Variants in ADGRL3 observed in about 807,000 individuals in gnomAD.
ADGRL3 encodes the protein calcium-independent alpha-latrotoxin receptor 3.
ADGRL3 carries 62 observed loss-of-function variants against 153.5 expected under a neutral mutation model. The ratio of observed to expected loss-of-function variants is 0.40; its 90% CI spans 0.33 to 0.50. The LOEUF (loss-of-function observed/expected upper bound fraction) is 0.50. ADGRL3 is among the 20% of genes least tolerant of loss of function. The pLI is 0.47. For missense variants in ADGRL3, 1,641 were observed against 1,859.4 expected (o/e 0.88, Z 2.16); for synonymous variants, 710 against 672.5 (o/e 1.06, Z -0.86).
intron 17 of ADGRL3, among the ~76,000 whole-genome samples, chr4:61,963,446 A>G (rs2098995637): frequency 6.6e-6 from 1 of 151,684 alleles, no homozygotes; most frequent in South Asian, 2.1e-4. Context: ...CCTAGTGTCC[A>G]TTGTTTTCTT....
At chr4:61,908,299 A>G (rs2098705465) in intron 11 of ADGRL3, among the ~76,000 whole-genome samples, 1 of 152,110 alleles carries the variant, frequency 6.6e-6, no homozygotes, top group Non-Finnish European at 1.5e-5. Context: ...CAAAAGAAAA[A>G]AAAAGAAAAG....
intron 12 of ADGRL3, among the ~76,000 whole-genome samples, chr4:61,911,505 T>C (rs1390959155): frequency 6.6e-6 from 1 of 152,144 alleles, no homozygotes; most frequent in Non-Finnish European, 1.5e-5. Context: ...CTTGCTGGCT[T>C]GCTCTCATTT....
chr4:61,604,567 C>T (rs1373953244), intron 5 of ADGRL3, among the ~76,000 whole-genome samples: 3 of 152,022 alleles, frequency 2.0e-5, no homozygotes, highest in Non-Finnish European at 4.4e-5. Context: ...TCCTTTCTTC[C>T]CCTTTCTTTA....
intron 1 of ADGRL3, among the ~76,000 whole-genome samples, chr4:61,232,042 C>T (rs1016124040): frequency 3.3e-5 from 5 of 151,858 alleles, no homozygotes; most frequent in Admixed American, 6.6e-5. Flanking sequence ...TACTTAACCT[C>T]CTCAAGCCCC....
At chr4:61,680,779 A>G (rs1371208407) in intron 6 of ADGRL3, among the ~76,000 whole-genome samples, 1 of 151,942 alleles carries the variant, frequency 6.6e-6, no homozygotes, top group Non-Finnish European at 1.5e-5. Context: ...TACTCAGACC[A>G]CCTTCTTTGA....
chr4:61,534,055 T>A (rs1201907486), intron 4 of ADGRL3, among the ~76,000 whole-genome samples: 2 of 152,168 alleles, frequency 1.3e-5, no homozygotes, highest in Non-Finnish European at 2.9e-5. Context: ...TTTCTAGGTT[T>A]TCTCCTAGGG....
chr4:61,792,724 G>A (rs1335370303), intron 8 of ADGRL3, among the ~76,000 whole-genome samples: 2 of 151,898 alleles, frequency 1.3e-5, no homozygotes, highest in South Asian at 2.1e-4. Flanking sequence ...TCCTGACCTC[G>A]GGATCTGCCC....
At position 61,732,830 on chromosome 4, in the gene ADGRL3, G is replaced by A. The variant is rs191915391; in HGVS notation, c.675G>A (p.Ala225=). 5,742 of 1,611,820 alleles carry A rather than the reference G, an allele frequency of 3.6e-3. 31 individuals carry two copies. Among genetic ancestry groups the A allele is most frequent in the Middle Eastern group, 0.019 (115 of 6,060 alleles). The change falls in exon 8 of 27, where the codon GCG becomes GCA. Residue 225 remains alanine (A), a synonymous_variant. Coordinates refer to ENST00000683033, the MANE Select transcript of ADGRL3 (RefSeq NM_001387552.1). Reference sequence around the variant, plus strand: ...TTGAGTCCGACCACCAATCTGGGGCGTGGTGCAAAGACCCTCTGCAGGCAT... The same window carrying A: ...TTGAGTCCGACCACCAATCTGGGGCATGGTGCAAAGACCCTCTGCAGGCAT... ...HLFESDHQSG[A]WCKDPLQASD...
rs572508953 is a variant in ADGRL3, at chr4:61,642,684, A to T, written c.474-34142A>T. ...GTACCAGTACCATGCTGTTTTGGTTACTGTAGCCTTGTAGTATAGTTTGAA... is the reference window on the plus strand; with the variant it reads ...GTACCAGTACCATGCTGTTTTGGTTTCTGTAGCCTTGTAGTATAGTTTGAA... On this transcript the variant is annotated intron_variant, in intron 5 of 26. Coordinates refer to ENST00000683033, the MANE Select transcript of ADGRL3 (RefSeq NM_001387552.1). 7.6e-3 allele frequency among the ~76,000 whole-genome samples: 1,152 copies of T among 152,264 alleles called. 17 individuals are homozygous for T. The highest frequency in any genetic ancestry group is 0.026 in the African/African-American group (1,083 of 41,564).
intron 8 of ADGRL3, among the ~76,000 whole-genome samples, chr4:61,744,645 G>A (rs1316417182): frequency 6.6e-6 from 1 of 152,206 alleles, no homozygotes; most frequent in Non-Finnish European, 1.5e-5. Context: ...CAGACCTGCA[G>A]CTGAGGGTCC....
intron 1 of ADGRL3, among the ~76,000 whole-genome samples, chr4:61,329,394 T>C (rs552051406): frequency 2.0e-5 from 3 of 152,292 alleles, no homozygotes; most frequent in Non-Finnish European, 2.9e-5. Context: ...CCATCCTTTG[T>C]CTGAAATCAA....
intron 1 of ADGRL3, among the ~76,000 whole-genome samples, chr4:61,346,888 A>G (rs1434327121): frequency 1.3e-5 from 2 of 152,122 alleles, no homozygotes; most frequent in African/African-American, 4.8e-5. Flanking sequence ...AATTTTAAAA[A>G]TTAGTACCAT....
chr4:61,344,868 C>T (rs1239716037), intron 1 of ADGRL3, among the ~76,000 whole-genome samples: 2 of 151,852 alleles, frequency 1.3e-5, no homozygotes, highest in South Asian at 4.2e-4. Flanking sequence ...CTCACTGCAA[C>T]CTCCGCCTCC....
intron 5 of ADGRL3, among the ~76,000 whole-genome samples, chr4:61,606,190 G>A (rs894030193): frequency 6.6e-6 from 1 of 152,160 alleles, no homozygotes; most frequent in Non-Finnish European, 1.5e-5. Flanking sequence ...GGGGAAGTAT[G>A]GGATTGCACA....
chr4:61,588,376 AC>A (rs2098955453), intron 5 of ADGRL3, among the ~76,000 whole-genome samples: 1 of 151,928 alleles, frequency 6.6e-6, no homozygotes, highest in Non-Finnish European at 1.5e-5. Flanking sequence ...CTTATTTTTC[AC>A]CTTTTGTCTT....
At chr4:61,257,784 G>GA (rs2092117487) in intron 1 of ADGRL3, among the ~76,000 whole-genome samples, 1 of 151,952 alleles carries the variant, frequency 6.6e-6, no homozygotes, top group Non-Finnish European at 1.5e-5. Flanking sequence ...ACTTATTAAA[G>GA]ATTATTTCAC....
intron 21 of ADGRL3, among the ~76,000 whole-genome samples, chr4:62,001,736 C>T (rs770231056): frequency 6.6e-6 from 1 of 152,026 alleles, no homozygotes; most frequent in Non-Finnish European, 1.5e-5. Context: ...AGAGTGTTCG[C>T]TTTAAAGATA....
At chr4:61,949,114 T>C (rs2098937140) in intron 17 of ADGRL3, among the ~76,000 whole-genome samples, 6 of 151,894 alleles carry the variant, frequency 4.0e-5, no homozygotes, top group Admixed American at 3.9e-4. Context: ...TAGAAATGTA[T>C]GGGGTTGAAA....
At chr4:62,042,335 G>A (rs964048525) in intron 24 of ADGRL3, among the ~76,000 whole-genome samples, 3 of 151,914 alleles carry the variant, frequency 2.0e-5, no homozygotes, top group Non-Finnish European at 2.9e-5. Context: ...GGGGAATGTA[G>A]TAGGGGAAAA....
Sources: allele counts gnomAD v4.1 joint callset (sites outside exome capture counted in the v4.1 genomes callset), GRCh38; gene constraint gnomAD v4.1.1; transcripts MANE v1.5; gene names NCBI Gene and HGNC (gene_info 2026-07-23, HGNC 2026-07-21).